MEGF8: variants seen among roughly 807,000 people sequenced by gnomAD.
MEGF8 encodes multiple epidermal growth factor-like domains protein 8.
MEGF8 carries 156 observed loss-of-function variants against 302.9 expected under a neutral mutation model. The ratio of observed to expected loss-of-function variants is 0.52; its 90% confidence interval spans 0.45 to 0.59. The LOEUF (loss-of-function observed/expected upper bound fraction) is 0.59, where lower values mean the gene tolerates loss of function less well. MEGF8 is among the 20% of genes least tolerant of loss of function. The probability of loss-of-function intolerance (pLI) is 0.00; values close to 1 mark genes in which losing one functional copy is unlikely to be tolerated. For missense variants in MEGF8, 3,345 were observed against 3,964.5 expected, an observed-to-expected ratio of 0.84 and a Z score of 4.20; for synonymous variants, 1,621 against 1,660.5, an observed-to-expected ratio of 0.98 and a Z score of 0.58.
chr19:42,358,384 G>T lies in MEGF8; in HGVS notation c.5175+77G>T. On this transcript the variant is annotated intron_variant, in intron 29 of 41. Transcript: ENST00000251268. This position sits in a 1 kb window ranked among gnomAD's most constrained non-coding sequence, Gnocchi z 4.4. ...CCTCTTTCCCAGTGCCCCAGGGACT[G>T]GCTCCATCCCAGATTCCTGCTTCCC... The T allele has an allele frequency of 6.7e-7, 1 of 1,485,754 alleles. No individual in the cohort carries two copies. 92.0% of individuals were successfully genotyped at this position (1,485,754 alleles called of 1,614,324 possible). A position where few individuals can be genotyped will look rare whatever the true frequency, so the allele number is the denominator to read the frequency against.
At position 42,375,776 on chromosome 19, in the gene MEGF8, C is replaced by T. The variant is rs767644140; in HGVS notation, c.7539C>T (p.Val2513=). The T allele has an allele frequency of 6.2e-7, 1 of 1,613,038 alleles. No individual in the cohort carries two copies. Among genetic ancestry groups the T allele is most frequent in the Non-Finnish European group, 8.5e-7 (1 of 1,179,820 alleles). Residue 2513 remains valine, a synonymous_variant, in exon 42 of 42, where the codon GTC becomes GTT. Coordinates refer to ENST00000251268, the MANE Select transcript of MEGF8 (RefSeq NM_001271938.2). The surrounding 1 kb of genome is among the most constrained non-coding windows in gnomAD (Gnocchi z 7.1). The part of the protein sequence containing the change: ...YVSTSYDTFV[V]RVAPDTGVHT... Reference sequence around the variant, plus strand: ...CCACCTCCTATGACACCTTCGTGGTCCGTGTGGCCCCTGACACTGGCGTCC... The same window carrying T: ...CCACCTCCTATGACACCTTCGTGGTTCGTGTGGCCCCTGACACTGGCGTCC...
At chr19:42,331,207 C>A (rs1227218677) in intron 1 of MEGF8, among the ~76,000 whole-genome samples, 1 of 152,126 alleles carries the variant, frequency 6.6e-6, no homozygotes, top group Non-Finnish European at 1.5e-5. Context: ...GGGAATTATC[C>A]CCATTTTACA....
chr19:42,362,355 G>A (rs1248708630), intron 33 of MEGF8, 29 bp from the exon 34 acceptor site: 1 of 1,613,276 alleles, frequency 6.2e-7, no homozygotes, highest in Non-Finnish European at 8.5e-7. Flanking sequence ...GGTGCTGAGG[G>A]TCCCATCTAG....
At chr19:42,332,172 C>G (rs571542661) in intron 1 of MEGF8, among the ~76,000 whole-genome samples, 197 of 152,220 alleles carry the variant, frequency 1.3e-3, no homozygotes, top group African/African-American at 4.6e-3. Flanking sequence ...GTCACCATTT[C>G]GTGTGCATTA....
chr19:42,353,922 G>A lies in MEGF8; in HGVS notation c.3909G>A (p.Val1303=). The A allele has an allele frequency of 6.3e-7, 1 of 1,590,600 alleles. No individual in the cohort carries two copies. Among genetic ancestry groups the A allele is most frequent in the East Asian group, 2.3e-5 (1 of 43,566 alleles). Residue 1303 remains valine (V), a synonymous_variant, in exon 22 of 42, where the codon GTG becomes GTA. Coordinates refer to ENST00000251268, the MANE Select transcript of MEGF8 (RefSeq NM_001271938.2). This position sits in a 1 kb window ranked among gnomAD's most constrained non-coding sequence, Gnocchi z 6.1. ...ARAGPGLSYC[V]WVVSATEELQ... is the part of the protein sequence containing the mutation. The stretch of plus-strand genomic sequence containing the variant: ...CCGGGCCTGGCCTGTCCTACTGTGT[G>A]TGGGTTGTCTCGGCCACTGAGGAGC...
chr19:42,360,867 G>A lies in MEGF8; in HGVS notation c.5581G>A (p.Gly1861Arg), dbSNP rs774973725. 5.6e-5 allele frequency: 90 copies of A among 1,613,410 alleles called. No individual in the cohort carries two copies. Among genetic ancestry groups the A allele is most frequent in the Non-Finnish European group, 7.2e-5 (85 of 1,179,862 alleles). ...CCTGTATATCTCTGGGGGTTTCGGGGGAGTGGCCCTGGGCCGCCTGCTGGC... is the reference window on the plus strand; with the variant it reads ...CCTGTATATCTCTGGGGGTTTCGGGAGAGTGGCCCTGGGCCGCCTGCTGGC... Reference protein sequence around the residue: ...SRLYISGGFGGVALGRLLALT... With the variant: ...SRLYISGGFGRVALGRLLALT... The change falls in exon 32 of 42, where the codon GGA becomes AGA. Residue 1861 changes from glycine to arginine, a missense_variant. Transcript: ENST00000251268.
At position 42,344,585 on chromosome 19, in the gene MEGF8, G is replaced by T; in HGVS notation, c.1933G>T (p.Glu645Ter). ...CAATGAGAGCTGCCTCCCTAGGCCT[G>T]GTGAGTGTCCGCAGCAGTGGGCCGG... ...VHNESCLPRP[E>*]QARCRGEQIS... Residue 645 changes from glutamate (E) to a stop codon, truncating the protein, a stop_gained and splice_region_variant, in exon 11 of 42, where the codon GAG becomes TAG. Coordinates refer to ENST00000251268, the MANE Select transcript of MEGF8 (RefSeq NM_001271938.2). LOFTEE classifies it high-confidence loss of function. The surrounding 1 kb of genome is among the most constrained non-coding windows in gnomAD (Gnocchi z 4.5). 1 of 1,591,306 alleles carries T rather than the reference G, an allele frequency of 6.3e-7. No homozygotes were observed. Among genetic ancestry groups the T allele is most frequent in the Non-Finnish European group, 8.5e-7 (1 of 1,169,918 alleles).
intron 35 of MEGF8, among the ~76,000 whole-genome samples, chr19:42,363,676 C>CCT (rs778116521): frequency 6.6e-6 from 1 of 152,184 alleles, no homozygotes; most frequent in Non-Finnish European, 1.5e-5. Flanking sequence ...CTGCTTCCCT[C>CCT]CTCTCTCTCT....
chr19:42,357,548 T>A lies in MEGF8; in HGVS notation c.4975T>A (p.Trp1659Arg). 6.2e-7 allele frequency: 1 copy of A among 1,612,658 alleles called. No individual in the cohort carries two copies. Among genetic ancestry groups the A allele is most frequent in the Non-Finnish European group, 8.5e-7 (1 of 1,179,442 alleles). ...LLEYQLATGT[W>R]VSGAQSGTPP... is the part of the protein sequence containing the mutation. Reference sequence around the variant, plus strand: ...GGAGTACCAGCTGGCAACCGGCACCTGGGTGTCAGGAGCCCAGAGTGGGAC... The same window carrying A: ...GGAGTACCAGCTGGCAACCGGCACCAGGGTGTCAGGAGCCCAGAGTGGGAC... The change falls in exon 28 of 42, where the codon TGG becomes AGG. Residue 1659 changes from tryptophan (W) to arginine (R), a missense_variant. Transcript: ENST00000251268. The surrounding 1 kb of genome is among the most constrained non-coding windows in gnomAD (Gnocchi z 5.2).
rs2039778887 is a variant in MEGF8 at position 42,376,970 on chromosome 19, C to G, written c.*195C>G. The G allele has an allele frequency of 1.8e-6, 1 of 544,170 alleles. No individual in the cohort carries two copies. The highest frequency in any genetic ancestry group is 3.0e-6 in the Non-Finnish European group (1 of 337,594). 33.7% of individuals were successfully genotyped at this position (544,170 alleles called of 1,614,324 possible). ...TATCGAGTACCTACTCTGTCAGGCA[C>G]TGTCATAGGCGTGGGGCAAAGCAGG... On this transcript the variant is annotated 3_prime_UTR_variant, in exon 42 of 42. Coordinates refer to ENST00000251268, the MANE Select transcript of MEGF8 (RefSeq NM_001271938.2). This position sits in a 1 kb window ranked among gnomAD's most constrained non-coding sequence, Gnocchi z 8.2.
At position 42,354,767 on chromosome 19, in the gene MEGF8, T is replaced by C; in HGVS notation, c.4144+47T>C. ...GGACCTCTTAGTCCTGGGCTATGTA[T>C]CCCTTGCCCCTGAACTCACCACCTG... On this transcript the variant is annotated intron_variant, in intron 23 of 41. Coordinates refer to ENST00000251268, the MANE Select transcript of MEGF8 (RefSeq NM_001271938.2). This position sits in a 1 kb window ranked among gnomAD's most constrained non-coding sequence, Gnocchi z 4.3. 6.4e-7 allele frequency: 1 copy of C among 1,557,120 alleles called. No individual in the cohort carries two copies. Among genetic ancestry groups the C allele is most frequent in the Non-Finnish European group, 8.7e-7 (1 of 1,152,136 alleles).
chr19:42,335,038 C>T lies in MEGF8; in HGVS notation c.562C>T (p.Leu188=), dbSNP rs1302282996. 2.1e-5 allele frequency: 34 copies of T among 1,611,672 alleles called. No individual in the cohort carries two copies. The highest frequency in any genetic ancestry group is 2.9e-5 in the Non-Finnish European group (34 of 1,178,806). The part of the protein sequence containing the change: ...CGSHGTCASP[L]GPCRCEPGFL... ...CTTTATGTCTCCTTTCCCGCAGCCC[C>T]TGGGACCATGCCGCTGTGAGCCTGG... is the stretch of plus-strand genomic sequence containing the variant. Residue 188 remains leucine, a synonymous_variant, in exon 4 of 42, where the codon CTG becomes TTG. Transcript: ENST00000251268.
chr19:42,352,277 G>C lies in MEGF8; in HGVS notation c.3171G>C (p.Leu1057=). The change falls in exon 19 of 42, where the codon CTG becomes CTC. Residue 1057 remains leucine, a synonymous_variant. Coordinates refer to ENST00000251268, the MANE Select transcript of MEGF8 (RefSeq NM_001271938.2). This position sits in a 1 kb window ranked among gnomAD's most constrained non-coding sequence, Gnocchi z 4.4. ...GNCSLWVGEG[L]GLPVALPARW... is the part of the protein sequence containing the mutation. ...GCTCCCTGTGGGTGGGGGAGGGCCT[G>C]GGGCTTCCCGTGGCCCTCCCTGCCC... The C allele has an allele frequency of 6.4e-7, 1 of 1,566,094 alleles. No individual in the cohort carries two copies. The highest frequency in any genetic ancestry group is 1.7e-4 in the Middle Eastern group (1 of 5,926).
In MEGF8 at chr19:42,369,622, G is replaced by C. The variant is rs376399763; in HGVS notation, c.6733G>C (p.Val2245Leu). Residue 2245 changes from valine (V) to leucine (L), a missense_variant, in exon 38 of 42, where the codon GTG becomes CTG. Transcript: ENST00000251268. This position sits in a 1 kb window ranked among gnomAD's most constrained non-coding sequence, Gnocchi z 5.7. ...CCACTGCCGCTGCCACTTTGGCTTT[G>C]TGGGCCGCAACTGCTCCACGGAATG... Reference protein sequence around the residue: ...PDHCRCHFGFVGRNCSTECRC... With the variant: ...PDHCRCHFGFLGRNCSTECRC... 70 of 1,612,942 alleles carry C rather than the reference G, an allele frequency of 4.3e-5. No homozygotes were observed. Among genetic ancestry groups the C allele is most frequent in the Non-Finnish European group, 5.7e-5 (67 of 1,179,806 alleles).
chr19:42,373,412 T>C (rs946445496), intron 41 of MEGF8, among the ~76,000 whole-genome samples: 1 of 152,006 alleles, frequency 6.6e-6, no homozygotes, highest in African/African-American at 2.4e-5. Context: ...TTAATGTATT[T>C]ATTTTTAAGA....
intron 12 of MEGF8, among the ~76,000 whole-genome samples, chr19:42,346,984 C>CAAAAAAAAAAA (rs767117534): frequency 4.2e-4 from 21 of 49,750 alleles, no homozygotes; most frequent in African/African-American, 6.7e-4. Flanking sequence ...GACTCTGTCT[C>CAAAAAAAAAAA]AAAAAAAAAA....
At chr19:42,342,614 G>T (rs570843433) in intron 8 of MEGF8, among the ~76,000 whole-genome samples, 1 of 151,448 alleles carries the variant, frequency 6.6e-6, no homozygotes, top group Admixed American at 6.6e-5. Flanking sequence ...TGCAGCCTGG[G>T]TGACAAAGCG....
chr19:42,357,599 C>A lies in MEGF8; in HGVS notation c.5011+15C>A. On this transcript the variant is annotated intron_variant, in intron 28 of 41. Coordinates refer to ENST00000251268, the MANE Select transcript of MEGF8 (RefSeq NM_001271938.2). This position sits in a 1 kb window ranked among gnomAD's most constrained non-coding sequence, Gnocchi z 5.2. Reference sequence around the variant, plus strand: ...ACCCCCCACAGGTGGGGCTGGGGACCGGGAGGGGACAGCCCCCGTGGACCT... The same window carrying A: ...ACCCCCCACAGGTGGGGCTGGGGACAGGGAGGGGACAGCCCCCGTGGACCT... 2 of 1,575,590 alleles carry A rather than the reference C, an allele frequency of 1.3e-6. No individual in the cohort carries two copies. Among genetic ancestry groups the A allele is most frequent in the Non-Finnish European group, 1.7e-6 (2 of 1,162,156 alleles).
rs1422511596 is a variant in MEGF8, at chr19:42,353,836, G to A, written c.3823G>A (p.Val1275Met). 4.3e-6 allele frequency: 7 copies of A among 1,611,996 alleles called. 1 individual carries two copies. Among genetic ancestry groups the A allele is most frequent in the African/African-American group, 4.0e-5 (3 of 75,046 alleles). The change falls in exon 22 of 42, where the codon GTG (valine) becomes ATG (methionine). Residue 1275 changes from valine (V) to methionine (M), a missense_variant. Coordinates refer to ENST00000251268, the MANE Select transcript of MEGF8 (RefSeq NM_001271938.2). The surrounding 1 kb of genome is among the most constrained non-coding windows in gnomAD (Gnocchi z 6.1). ...CGCCCTCCTCACCAACGTGTCCTCA[G>A]TGGCACTGGGCTCACGCCGGGTCGG... ...GRALLTNVSS[V>M]ALGSRRVGGL...
Sources: gnomAD v4.1 joint callset for allele counts (sites outside exome capture counted in the v4.1 genomes callset) on GRCh38, gnomAD v4.1.1 for gene constraint, Gnocchi (gnomAD v3.1) non-coding constraint, MANE v1.5 for transcripts, NCBI Gene and HGNC (gene_info 2026-07-23, HGNC 2026-07-21) for gene names.